Variants in SKAP1 observed in about 807,000 individuals in gnomAD.
SKAP1 encodes the protein src kinase associated phosphoprotein 1, also known as src kinase-associated phosphoprotein 1.
Under a neutral mutation model 58.5 loss-of-function variants are expected in SKAP1, and 44 were observed. The ratio of observed to expected loss-of-function variants is 0.75; its 90% CI spans 0.59 to 0.97. SKAP1 has a LOEUF of 0.97. SKAP1 is among the 50% of genes least tolerant of loss of function. SKAP1 has a pLI of 0.00. For synonymous variants in SKAP1, 127 were observed against 149.7 expected, an observed-to-expected ratio of 0.85 and a Z score of 1.11; for missense variants, 390 against 435.2, an observed-to-expected ratio of 0.90 and a Z score of 0.92.
chr17:48,138,267 A>C (rs749955096), intron 11 of SKAP1, among the ~76,000 whole-genome samples: 1 of 151,424 alleles, frequency 6.6e-6, no homozygotes. Context: ...TGCAGTGGCA[A>C]GATCTCAGCT....
At chr17:48,233,091 A>T (rs1388383679) in intron 4 of SKAP1, among the ~76,000 whole-genome samples, 2 of 152,318 alleles carry the variant, frequency 1.3e-5, no homozygotes, top group African/African-American at 4.8e-5. Flanking sequence ...GGAAAACAGC[A>T]AGATACTAGA....
At position 48,368,487 on chromosome 17, in the gene SKAP1, G is replaced by A. The variant is rs573242045; in HGVS notation, c.153-4673C>T. Among the ~76,000 whole-genome samples the A allele has an allele frequency of 8.5e-5, 13 of 152,280 alleles. No homozygotes were observed. The East Asian group carries it at 2.5e-3, about 29-fold the overall frequency. ...AAGCATATAAATGCACACATACAGA[G>A]TTGTGTTTATCCTAAAAGCCTCTGA... On this transcript the variant is annotated intron_variant, in intron 2 of 12. Transcript: ENST00000336915.
chr17:48,206,433 G>T lies in SKAP1; in HGVS notation c.281-16933C>A, dbSNP rs63720660. On this transcript the variant is annotated intron_variant, in intron 4 of 12. Transcript: ENST00000336915. ...GTCCTCTTGGGTAAAAAATAAAGAC[G>T]TTTTTTTTTATACCCCTTGGTATAA... Among the ~76,000 whole-genome samples, 56 of 31,654 alleles carry T rather than the reference G, an allele frequency of 1.8e-3. 1 individual carries two copies. The highest frequency in any genetic ancestry group is 3.1e-3 in the African/African-American group (49 of 15,634). 20.8% of individuals were successfully genotyped at this position (31,654 alleles called of 152,430 possible).
the SKAP1 span, among the ~76,000 whole-genome samples, chr17:48,443,507 G>T: frequency 1.3e-5 from 2 of 150,846 alleles, no homozygotes; most frequent in Non-Finnish European, 3.0e-5. Flanking sequence ...ACAGAGTCTT[G>T]CTCTGTCACC....
At chr17:48,198,602 G>C (rs2064679321) in intron 4 of SKAP1, among the ~76,000 whole-genome samples, 2 of 151,526 alleles carry the variant, frequency 1.3e-5, no homozygotes, top group South Asian at 4.2e-4. Context: ...CTATAGTGAT[G>C]AAATGAATCT....
intron 4 of SKAP1, among the ~76,000 whole-genome samples, chr17:48,303,287 AG>A (rs67531584): frequency 0.029 from 4,419 of 152,274 alleles, 241 homozygotes; most frequent in African/African-American, 0.1. Flanking sequence ...GTGGTGGGAA[AG>A]GGGGTCTCCT....
intron 4 of SKAP1, among the ~76,000 whole-genome samples, chr17:48,264,520 G>C (rs2065520335): frequency 6.6e-6 from 1 of 152,110 alleles, no homozygotes; most frequent in Non-Finnish European, 1.5e-5. Flanking sequence ...CAAATCAGGA[G>C]CTAAGCTTTG....
At chr17:48,222,487 A>AT (rs928296157) in intron 4 of SKAP1, among the ~76,000 whole-genome samples, 1 of 151,708 alleles carries the variant, frequency 6.6e-6, no homozygotes, top group African/African-American at 2.4e-5. Flanking sequence ...TTATATATAT[A>AT]TTTTTTTCCC....
At chr17:48,436,789 C>T in the SKAP1 span, among the ~76,000 whole-genome samples, 10 of 152,160 alleles carry the variant, frequency 6.6e-5, no homozygotes, top group African/African-American at 2.2e-4. Flanking sequence ...CCTGTCTTCA[C>T]ACCACCAAAG....
intron 4 of SKAP1, among the ~76,000 whole-genome samples, chr17:48,213,695 A>T (rs1356044929): frequency 1.3e-5 from 2 of 152,152 alleles, no homozygotes; most frequent in Admixed American, 1.3e-4. Context: ...CCCCCAGCTG[A>T]GTTGTCACTA....
At chr17:48,304,420 A>C (rs1471875327) in intron 4 of SKAP1, among the ~76,000 whole-genome samples, 1 of 152,220 alleles carries the variant, frequency 6.6e-6, no homozygotes, top group Non-Finnish European at 1.5e-5. Context: ...ATGATGGGAA[A>C]TTCTTAATTT....
intron 1 of SKAP1, among the ~76,000 whole-genome samples, chr17:48,429,772 G>A (rs1406672650): frequency 1.3e-5 from 2 of 152,166 alleles, no homozygotes; most frequent in Admixed American, 6.5e-5. Context: ...GGGACAGGTC[G>A]GAGACCAGGC....
chr17:48,239,509 T>C (rs1191882088), intron 4 of SKAP1, among the ~76,000 whole-genome samples: 1 of 152,196 alleles, frequency 6.6e-6, no homozygotes, highest in Non-Finnish European at 1.5e-5. Context: ...TTCCATTAAA[T>C]TTTACTTTAA....
rs563023645 is a variant in SKAP1, at chr17:48,302,122, A to G, written c.280+43783T>C. Among the ~76,000 whole-genome samples, 7 of 152,314 alleles carry G rather than the reference A, an allele frequency of 4.6e-5. No homozygotes were observed. In the South Asian group the frequency reaches 1.0e-3, roughly 23 times the overall value. On this transcript the variant is annotated intron_variant, in intron 4 of 12. Coordinates refer to ENST00000336915, the MANE Select transcript of SKAP1 (RefSeq NM_003726.4). The stretch of plus-strand genomic sequence containing the variant: ...GAATTCAAAACATGCTAATTAGCCA[A>G]ACTTATCAAGTGAGTCTCCCACTGA...
chr17:48,333,315 G>A (rs1311926111), intron 4 of SKAP1, among the ~76,000 whole-genome samples: 1 of 152,090 alleles, frequency 6.6e-6, no homozygotes, highest in Non-Finnish European at 1.5e-5. Context: ...TATGTAAGAA[G>A]CAACAAAAAG....
chr17:48,312,390 A>AT (rs1391703262), intron 4 of SKAP1, among the ~76,000 whole-genome samples: 1 of 152,232 alleles, frequency 6.6e-6, no homozygotes, highest in Non-Finnish European at 1.5e-5. Flanking sequence ...TACTAGAACA[A>AT]TTTTATAGAA....
At chr17:48,245,280 C>A (rs984857305) in intron 4 of SKAP1, among the ~76,000 whole-genome samples, 2 of 152,178 alleles carry the variant, frequency 1.3e-5, no homozygotes, top group South Asian at 2.1e-4. Context: ...ACACAACCCA[C>A]AATCTGATTT....
intron 11 of SKAP1, among the ~76,000 whole-genome samples, chr17:48,158,996 C>T (rs2064032224): frequency 6.6e-6 from 1 of 150,918 alleles, no homozygotes; most frequent in African/African-American, 2.4e-5. Context: ...CAGCAGGGAG[C>T]AGCAGGAGCC....
chr17:48,245,703 C>T (rs994633346), intron 4 of SKAP1, among the ~76,000 whole-genome samples: 8 of 152,270 alleles, frequency 5.3e-5, no homozygotes, highest in African/African-American at 1.7e-4. Flanking sequence ...AGGCCGGGTG[C>T]GGTGGCTCAC....
Sources: allele counts gnomAD v4.1 joint callset (sites outside exome capture counted in the v4.1 genomes callset), GRCh38; gene constraint gnomAD v4.1.1; transcripts MANE v1.5; gene names NCBI Gene and HGNC (gene_info 2026-07-23, HGNC 2026-07-21).